Variants in MRPL3 observed in about 807,000 individuals in gnomAD.
MRPL3 encodes large ribosomal subunit protein uL3m.
MRPL3 carries 43 observed loss-of-function variants against 44.3 expected under a neutral mutation model. That is an observed-to-expected ratio of 0.97 (90% CI 0.76 to 1.25). The LOEUF is 1.25. Among genes scored for constraint, MRPL3 ranks in the 50% most tolerant of loss-of-function variants. The pLI is 0.00. For missense variants in MRPL3, 406 were observed against 427.6 expected, an observed-to-expected ratio of 0.95 and a Z score of 0.45; for synonymous variants, 171 against 152.3, an observed-to-expected ratio of 1.12 and a Z score of -0.91.
intron 6 of MRPL3, 76 bp downstream of exon 6, chr3:131,487,604 G>T: frequency 9.0e-7 from 1 of 1,110,130 alleles, no homozygotes; most frequent in Non-Finnish European, 1.3e-6. Flanking sequence ...TTGAAAGACT[G>T]TACTTCTTTC....
At position 131,489,969 on chromosome 3, in the gene MRPL3, A is replaced by G. The variant is rs776546189; in HGVS notation, c.568+12T>C. 6.4e-6 allele frequency: 10 copies of G among 1,559,870 alleles called. No homozygotes were observed. The highest frequency in any genetic ancestry group is 1.4e-5 in the African/African-American group (1 of 73,764). On this transcript the variant is annotated intron_variant, in intron 5 of 9. Coordinates refer to ENST00000264995, the MANE Select transcript of MRPL3 (RefSeq NM_007208.4). ...TATTTTTACCTCCCTCCTCTCCCCA[A>G]CCTCAAATTACCTGGTTTAATTGCA... is the stretch of plus-strand genomic sequence containing the variant.
At chr3:131,479,413 A>G (rs930485181) in intron 6 of MRPL3, among the ~76,000 whole-genome samples, 4 of 152,194 alleles carry the variant, frequency 2.6e-5, no homozygotes, top group African/African-American at 7.2e-5. Flanking sequence ...GGGGGTGGGA[A>G]GGTGAAGAAA....
chr3:131,477,666 C>T (rs1449962962), intron 6 of MRPL3, among the ~76,000 whole-genome samples: 1 of 152,148 alleles, frequency 6.6e-6, no homozygotes, highest in Non-Finnish European at 1.5e-5. Context: ...TATTGTGAGG[C>T]AAACTCCAGA....
chr3:131,501,692 C>G lies in MRPL3; in HGVS notation c.116G>C (p.Arg39Thr). ...GNRTHIWLFV[R>T]GLHGKSGTWW... ...TGTACCACTCTTTCCATGAAGACCT[C>G]TAACAAAAAGCCAGATGTGTGTTCT... The change falls in exon 2 of 10, where the codon AGA becomes ACA. Residue 39 changes from arginine to threonine, a missense_variant. Transcript: ENST00000264995. 6.2e-7 allele frequency: 1 copy of G among 1,612,414 alleles called. No homozygotes were observed. The highest frequency in any genetic ancestry group is 1.1e-5 in the South Asian group (1 of 90,420).
At chr3:131,465,954 T>C (rs1406095354) in intron 9 of MRPL3, among the ~76,000 whole-genome samples, 1 of 148,074 alleles carries the variant, frequency 6.8e-6, no homozygotes, top group Non-Finnish European at 1.5e-5. Flanking sequence ...TAGAAGGCAA[T>C]AGTGTGATCA....
At chr3:131,468,761 A>T (rs1453079652) in intron 8 of MRPL3, among the ~76,000 whole-genome samples, 1 of 152,136 alleles carries the variant, frequency 6.6e-6, no homozygotes, top group Non-Finnish European at 1.5e-5. Context: ...AAGAAAATAC[A>T]GCAAATAGAT....
intron 4 of MRPL3, among the ~76,000 whole-genome samples, chr3:131,490,394 ACTGT>A (rs1042760045): frequency 6.7e-6 from 1 of 150,368 alleles, no homozygotes; most frequent in African/African-American, 2.5e-5. Context: ...CTGACTGGAG[ACTGT>A]CTGAATTAAG....
chr3:131,496,295 T>C (rs1396982490), intron 4 of MRPL3, among the ~76,000 whole-genome samples: 1 of 152,240 alleles, frequency 6.6e-6, no homozygotes, highest in Non-Finnish European at 1.5e-5. Context: ...AAATATCTCA[T>C]TGTACTCTAT....
chr3:131,470,423 T>C (rs959839546), intron 7 of MRPL3, among the ~76,000 whole-genome samples: 5 of 152,136 alleles, frequency 3.3e-5, no homozygotes, highest in African/African-American at 1.2e-4. Flanking sequence ...TATAAACACT[T>C]TTCCATCAGC....
chr3:131,493,593 A>C (rs991174954), intron 4 of MRPL3, among the ~76,000 whole-genome samples: 1 of 152,178 alleles, frequency 6.6e-6, no homozygotes, highest in African/African-American at 2.4e-5. Context: ...ACAGAAGATA[A>C]AGGACAGGCA....
chr3:131,490,178 A>T (rs1232757507), intron 4 of MRPL3, 98 bp from the exon 5 acceptor site: 1 of 801,544 alleles, frequency 1.2e-6, no homozygotes, highest in African/African-American at 1.7e-5. Context: ...CCCAGAAAAT[A>T]AATCAAAGCA....
chr3:131,472,018 C>G (rs1933754362), intron 6 of MRPL3, among the ~76,000 whole-genome samples: 1 of 152,150 alleles, frequency 6.6e-6, no homozygotes, highest in African/African-American at 2.4e-5. Flanking sequence ...CTGGCTGATG[C>G]TTGACTGCAG....
intron 8 of MRPL3, among the ~76,000 whole-genome samples, chr3:131,469,355 T>C (rs1260035457): frequency 6.6e-6 from 1 of 152,074 alleles, no homozygotes; most frequent in African/African-American, 2.4e-5. Context: ...TTAAATCTTT[T>C]ACTCAATAAA....
chr3:131,502,216 C>T (rs1166194400), intron 1 of MRPL3, among the ~76,000 whole-genome samples: 1 of 152,090 alleles, frequency 6.6e-6, no homozygotes, highest in Non-Finnish European at 1.5e-5. Flanking sequence ...CCTTAGTGGG[C>T]GGAGGTCAGG....
chr3:131,469,359 C>T (rs529847387), intron 8 of MRPL3, among the ~76,000 whole-genome samples: 3 of 152,052 alleles, frequency 2.0e-5, no homozygotes, highest in Admixed American at 1.3e-4. Context: ...ATCTTTTACT[C>T]AATAAAGAGT....
chr3:131,498,979 T>C (rs769744634), intron 3 of MRPL3, among the ~76,000 whole-genome samples: 1 of 152,174 alleles, frequency 6.6e-6, no homozygotes, highest in Non-Finnish European at 1.5e-5. Context: ...TCAGAATCTT[T>C]GTGTTTTATA....
At chr3:131,474,764 A>C (rs972538127) in intron 6 of MRPL3, among the ~76,000 whole-genome samples, 7 of 134,234 alleles carry the variant, frequency 5.2e-5, no homozygotes, top group African/African-American at 7.9e-5. Context: ...TAGACTTTTT[A>C]ATTTTTTTTT....
At chr3:131,463,681 C>A (rs991590314) in intron 9 of MRPL3, among the ~76,000 whole-genome samples, 3 of 152,064 alleles carry the variant, frequency 2.0e-5, no homozygotes, top group African/African-American at 7.2e-5. Context: ...TATAAGAGCT[C>A]TGTTAACTCT....
intron 6 of MRPL3, chr3:131,479,010 A>G (rs2110702237): frequency 2.6e-6 from 1 of 383,440 alleles, no homozygotes; most frequent in East Asian, 7.2e-5. Flanking sequence ...TTTGATTTTT[A>G]ATTTTTAAAA....
Sources: gnomAD v4.1 joint callset for allele counts (sites outside exome capture counted in the v4.1 genomes callset) on GRCh38, gnomAD v4.1.1 for gene constraint, MANE v1.5 for transcripts, NCBI Gene and HGNC (gene_info 2026-07-23, HGNC 2026-07-21) for gene names.